The following CTSD variants were observed in gnomAD, a reference collection of about 807,000 sequenced individuals.
The protein encoded by CTSD is ceroid-lipofuscinosis, neuronal 10.
In CTSD, 28 loss-of-function variants were observed where a neutral mutation model predicts 43.6. That is an observed-to-expected ratio of 0.64 (90% confidence interval 0.48 to 0.88). The LOEUF is 0.88. Ranked by LOEUF, CTSD falls within the 40% of genes least tolerant of loss-of-function variation. The pLI is 0.00. For synonymous variants in CTSD, 270 were observed against 249.8 expected, an observed-to-expected ratio of 1.08 and a Z score of -0.76; for missense variants, 485 against 555.2, an observed-to-expected ratio of 0.87 and a Z score of 1.27.
chr11:1,763,391 A>G (rs953207092), intron 1 of CTSD, among the ~76,000 whole-genome samples: 4 of 152,224 alleles, frequency 2.6e-5, no homozygotes, highest in Admixed American at 2.6e-4. Flanking sequence ...GGACTCGCCC[A>G]GACTCGGGGG....
rs1038637095 is a variant in CTSD, at chr11:1,753,311, G to C, written c.*192C>G. On this transcript the variant is annotated 3_prime_UTR_variant, in exon 9 of 9. Coordinates refer to ENST00000236671, the MANE Select transcript of CTSD (RefSeq NM_001909.5). Reference sequence around the variant, plus strand: ...AGATGGAGAGACAGACAGGCAGGCAGCATTTCTGAACCCAGGGAGGGGAAA... The same window carrying C: ...AGATGGAGAGACAGACAGGCAGGCACCATTTCTGAACCCAGGGAGGGGAAA... The C allele has an allele frequency of 1.7e-5, 11 of 659,970 alleles. No homozygotes were observed. Among genetic ancestry groups the C allele is most frequent in the Non-Finnish European group, 1.6e-5 (6 of 369,142 alleles). The allele number at this position is 659,970 out of a possible 1,614,324, so 40.9% of individuals were successfully genotyped here. A position where few individuals can be genotyped will look rare whatever the true frequency, so the allele number is the denominator to read the frequency against.
In CTSD at chr11:1,763,853, G is replaced by A. The variant is rs952058991; in HGVS notation, c.7C>T (p.Pro3Ser). 5.9e-6 allele frequency: 9 copies of A among 1,524,558 alleles called. No homozygotes were observed. The highest frequency in any genetic ancestry group is 7.0e-6 in the Non-Finnish European group (8 of 1,141,434). The allele number at this position is 1,524,558 out of a possible 1,614,324, so 94.4% of individuals were successfully genotyped here. MQ[P>S]SSLLPLALCL... ...AGGGCGAGCGGCAGAAGGCTGGAGG[G>A]CTGCATGGCGGCGGCGGCCGGGTCG... Residue 3 changes from proline (P) to serine (S), a missense_variant, in exon 1 of 9, where the codon CCC becomes TCC. Physicochemically the swap from Pro to Ser is moderately conservative, Grantham distance 74 (BLOSUM62 -1). Coordinates refer to ENST00000236671, the MANE Select transcript of CTSD (RefSeq NM_001909.5).
intron 1 of CTSD, chr11:1,763,560 G>C: frequency 1.9e-6 from 1 of 513,752 alleles, no homozygotes; most frequent in South Asian, 2.5e-5. Context: ...GTGGCATATG[G>C]GGGAGAGGCA....
intron 2 of CTSD, chr11:1,760,597 G>C (rs569396853): frequency 3.3e-5 from 5 of 152,904 alleles, no homozygotes; most frequent in African/African-American, 9.8e-5. Flanking sequence ...CTGCTTGCTC[G>C]CGCGCTAGGA....
At position 1,753,609 on chromosome 11, in the gene CTSD, G is replaced by A. The variant is rs1421879206; in HGVS notation, c.1133C>T (p.Pro378Leu). ...SGFMGMDIPP[P>L]SGPLWILGDV... is the part of the protein sequence containing the mutation. ...GCCCAGGATCCAGAGTGGCCCGCTGGGTGGCGGGATGTCCATGCCCATGAA... is the reference window on the plus strand; with the variant it reads ...GCCCAGGATCCAGAGTGGCCCGCTGAGTGGCGGGATGTCCATGCCCATGAA... Residue 378 changes from proline (P) to leucine (L), a missense_variant, in exon 9 of 9, where the codon CCC becomes CTC. Transcript: ENST00000236671. 6.2e-7 allele frequency: 1 copy of A among 1,613,008 alleles called. No homozygotes were observed. The highest frequency in any genetic ancestry group is 8.5e-7 in the Non-Finnish European group (1 of 1,179,908).
Position 1,755,046 on chromosome 11 carries a change from G to A in CTSD, c.705-18C>T, listed in dbSNP as rs747718998. 1.2e-6 allele frequency: 2 copies of A among 1,613,570 alleles called. No individual in the cohort carries two copies. Among genetic ancestry groups the A allele is most frequent in the East Asian group, 2.2e-5 (1 of 44,882 alleles). ...CTGGGTCCCTAGGAGGAAAAGGGAGGAGTCAGCTGCCACGCCACCCCCCAA... is the reference window on the plus strand; with the variant it reads ...CTGGGTCCCTAGGAGGAAAAGGGAGAAGTCAGCTGCCACGCCACCCCCCAA... On this transcript the variant is annotated intron_variant, in intron 5 of 8. Coordinates refer to ENST00000236671, the MANE Select transcript of CTSD (RefSeq NM_001909.5).
At position 1,757,427 on chromosome 11, in the gene CTSD, T is replaced by C; in HGVS notation, c.601A>G (p.Met201Val). 1 of 1,614,138 alleles carries C rather than the reference T, an allele frequency of 6.2e-7. No individual in the cohort carries two copies. The highest frequency in any genetic ancestry group is 8.5e-7 in the Non-Finnish European group (1 of 1,180,024). ...TTGACGGAGATGCGGGGGTAGGCCA[T>C]GCCCAGGATGCCATCGAACTTGGCT... ...IAAKFDGILG[M>V]AYPRISVNNV... Residue 201 changes from methionine to valine, a missense_variant, in exon 5 of 9, where the codon ATG becomes GTG. Coordinates refer to ENST00000236671, the MANE Select transcript of CTSD (RefSeq NM_001909.5).
At position 1,757,339 on chromosome 11, in the gene CTSD, GAGA is replaced by G. The variant is rs1057519591; in HGVS notation, c.686_688del (p.Phe229del). 8 of 1,613,806 alleles carry G rather than the reference GAGA, an allele frequency of 5.0e-6. No homozygotes were observed. The highest frequency in any genetic ancestry group is 1.7e-5 in the Admixed American group (1 of 60,022). On this transcript the variant is annotated inframe_deletion, in exon 5 of 9. Transcript: ENST00000236671. ...ACACGCCCACCTGCTCAGGTAGAAG[GAGA>G]AGATGTTCTGGTCCACCAGCTTCTG...
chr11:1,758,238 G>C (rs1590906776), intron 4 of CTSD, among the ~76,000 whole-genome samples: 1 of 152,166 alleles, frequency 6.6e-6, no homozygotes, highest in Non-Finnish European at 1.5e-5. Flanking sequence ...TCAGCTGGAG[G>C]AAGGGGCCCT....
chr11:1,760,069 A>G (rs1468052892), intron 2 of CTSD, among the ~76,000 whole-genome samples: 1 of 152,176 alleles, frequency 6.6e-6, no homozygotes, highest in Non-Finnish European at 1.5e-5. Flanking sequence ...CTTCCTCCCC[A>G]GGTTGGGGCC....
chr11:1,754,405 G>GGGGCATAGA (rs1200072718), intron 6 of CTSD: 3 of 543,382 alleles, frequency 5.5e-6, no homozygotes, highest in Admixed American at 6.4e-5. Context: ...AGGGGATGGA[G>GGGGCATAGA]GGGATGAAGG....
At chr11:1,757,592 G>C in intron 4 of CTSD, 36 bp from the exon 5 acceptor site, 1 of 1,536,150 alleles carries the variant, frequency 6.5e-7, no homozygotes, top group Non-Finnish European at 8.9e-7. Flanking sequence ...GCAGCAGACA[G>C]GCTGAGCCCT....
Position 1,753,663 on chromosome 11 carries a change from T to C in CTSD, c.1079A>G (p.Gln360Arg). Reference sequence around the variant, plus strand: ...GCTCAGGCAGAGGGTCTTCCCGGCCTGCGACACCTGGGACGGCCCTGGTGG... The same window carrying C: ...GCTCAGGCAGAGGGTCTTCCCGGCCCGCGACACCTGGGACGGCCCTGGTGG... ...SPEDYTLKVS[Q>R]AGKTLCLSGF... The change falls in exon 9 of 9, where the codon CAG (glutamine) becomes CGG (arginine). Residue 360 changes from glutamine (Q) to arginine (R), a missense_variant. Coordinates refer to ENST00000236671, the MANE Select transcript of CTSD (RefSeq NM_001909.5). The C allele has an allele frequency of 2.5e-6, 4 of 1,612,820 alleles. No individual in the cohort carries two copies. The highest frequency in any genetic ancestry group is 3.4e-6 in the Non-Finnish European group (4 of 1,179,830).
chr11:1,763,627 G>A, intron 1 of CTSD, 165 bp downstream of exon 1: 1 of 614,824 alleles, frequency 1.6e-6, no homozygotes, highest in Non-Finnish European at 2.6e-6. Context: ...CCCGTAGGCG[G>A]GTGGTCCGTG....
chr11:1,762,206 C>A (rs566428101), intron 1 of CTSD: 24 of 153,794 alleles, frequency 1.6e-4, no homozygotes, highest in Non-Finnish European at 3.5e-4. Context: ...TGCTGCCCCC[C>A]CCACCGCCCT....
Position 1,755,020 on chromosome 11 carries a change from T to G in CTSD, c.713A>C (p.Asp238Ala), listed in dbSNP as rs766306266. ...CATCAGCTCACCCCCAGGCTGCGCA[T>G]CTGGGTCCCTAGGAGGAAAAGGGAG... ...IFSFYLSRDPDAQPGGELMLG... is the reference protein window; with the variant it reads ...IFSFYLSRDPAAQPGGELMLG... The change falls in exon 6 of 9, where the codon GAT (aspartate) becomes GCT (alanine). Residue 238 changes from aspartate to alanine, a missense_variant. Asp to Ala is a moderately radical substitution (Grantham distance 126). Transcript: ENST00000236671. 1.9e-6 allele frequency: 3 copies of G among 1,613,794 alleles called. No individual in the cohort carries two copies. The highest frequency in any genetic ancestry group is 2.5e-6 in the Non-Finnish European group (3 of 1,179,884).
Position 1,761,397 on chromosome 11 carries a change from A to G in CTSD, c.140T>C (p.Ile47Thr), listed in dbSNP as rs757556668. The part of the protein sequence containing the change: ...SEVGGSVEDL[I>T]AKGPVSKYSQ... ...GTACTTTGAGACGGGGCCTTTGGCA[A>G]TCAGGTCCTCCACAGAGCCCCCAAC... Residue 47 changes from isoleucine (I) to threonine (T), a missense_variant, in exon 2 of 9, where the codon ATT (isoleucine) becomes ACT (threonine). Transcript: ENST00000236671. The G allele has an allele frequency of 1.2e-6, 2 of 1,613,780 alleles. No homozygotes were observed. The highest frequency in any genetic ancestry group is 1.7e-6 in the Non-Finnish European group (2 of 1,179,982).
chr11:1,759,047 G>C lies in CTSD; in HGVS notation c.393C>G (p.Tyr131Ter). The C allele has an allele frequency of 1.2e-6, 2 of 1,614,124 alleles. No homozygotes were observed. Among genetic ancestry groups the C allele is most frequent in the Non-Finnish European group, 1.7e-6 (2 of 1,179,976 alleles). ...HKYNSDKSST[Y>*]VKNGTSFDIH... ...TGTCAAACGAGGTACCATTCTTCAC[G>C]TAGGTGCTGGACTTGTCGCTGTTGT... The change falls in exon 4 of 9, where the codon TAC (tyrosine) becomes TAG (stop). Residue 131 changes from tyrosine to a stop codon, truncating the protein, a stop_gained. Coordinates refer to ENST00000236671, the MANE Select transcript of CTSD (RefSeq NM_001909.5). LOFTEE classifies it high-confidence loss of function.
At position 1,753,176 on chromosome 11, in the gene CTSD, T is replaced by C. The variant is rs1301597631; in HGVS notation, c.*327A>G. 1.7e-5 allele frequency: 7 copies of C among 404,262 alleles called. No homozygotes were observed. Among genetic ancestry groups the C allele is most frequent in the South Asian group, 1.3e-4 (6 of 46,752 alleles). 25.0% of individuals were successfully genotyped at this position (404,262 alleles called of 1,614,324 possible). A position where few individuals can be genotyped will look rare whatever the true frequency, so the allele number is the denominator to read the frequency against. ...TGGTAGGGCCGGGGAGGGGACTCCCTGGAGATGAAGGGAGCCCCAGGATAC... is the reference window on the plus strand; with the variant it reads ...TGGTAGGGCCGGGGAGGGGACTCCCCGGAGATGAAGGGAGCCCCAGGATAC... On this transcript the variant is annotated 3_prime_UTR_variant, in exon 9 of 9. Transcript: ENST00000236671.
Sources: gnomAD v4.1 joint callset for allele counts (sites outside exome capture counted in the v4.1 genomes callset) on GRCh38, gnomAD v4.1.1 for gene constraint, MANE v1.5 for transcripts, NCBI Gene and HGNC (gene_info 2026-07-23, HGNC 2026-07-21) for gene names.